CCAR1: variants seen among roughly 807,000 people sequenced by gnomAD.
CCAR1 encodes the protein cell division cycle and apoptosis regulator 1.
A neutral mutation model predicts 163.8 loss-of-function variants in CCAR1; 78 were observed. The observed-to-expected ratio is 0.48, with a 90% CI of 0.40 to 0.57. The LOEUF (loss-of-function observed/expected upper bound fraction) is 0.57. Among genes scored for constraint, CCAR1 ranks in the 20% least tolerant of loss-of-function variants. CCAR1 has a pLI of 0.00. For missense variants in CCAR1, 1,019 were observed against 1,365.2 expected (o/e 0.75, Z 4.00); for synonymous variants, 443 against 460.7 (o/e 0.96, Z 0.49).
intron 16 of CCAR1, among the ~76,000 whole-genome samples, chr10:68,764,881 A>G (rs530588273): frequency 6.6e-6 from 1 of 152,182 alleles, no homozygotes; most frequent in African/African-American, 2.4e-5. Context: ...TTCATCATCT[A>G]CAGGGATGTA....
intron 2 of CCAR1, among the ~76,000 whole-genome samples, chr10:68,727,737 GT>G (rs2055969538): frequency 6.6e-6 from 1 of 152,158 alleles, no homozygotes; most frequent in Non-Finnish European, 1.5e-5. Flanking sequence ...GTAAAGAGAC[GT>G]TGAGAGAAAT....
intron 17 of CCAR1, among the ~76,000 whole-genome samples, chr10:68,768,907 T>G (rs1197064387): frequency 1.3e-5 from 2 of 152,226 alleles, no homozygotes; most frequent in African/African-American, 4.8e-5. Flanking sequence ...AATGATCTGA[T>G]TAACATATTT....
intron 18 of CCAR1, among the ~76,000 whole-genome samples, chr10:68,772,378 G>T (rs1248123070): frequency 6.6e-6 from 1 of 152,038 alleles, no homozygotes; most frequent in Non-Finnish European, 1.5e-5. Flanking sequence ...AGCTACTTGG[G>T]AGGGTGAGGC....
chr10:68,787,292 A>C (rs936695969), intron 21 of CCAR1, among the ~76,000 whole-genome samples: 2 of 151,548 alleles, frequency 1.3e-5, no homozygotes, highest in African/African-American at 2.4e-5. Flanking sequence ...TATTCTATAG[A>C]TACATTCACC....
intron 2 of CCAR1, among the ~76,000 whole-genome samples, chr10:68,728,476 C>T (rs1428354653): frequency 2.0e-5 from 3 of 151,934 alleles, no homozygotes; most frequent in African/African-American, 7.3e-5. Context: ...ATGGTGTCTT[C>T]AACTGCCTAA....
In CCAR1 at chr10:68,742,406, C is replaced by T; in HGVS notation, c.355C>T (p.Leu119=). The T allele has an allele frequency of 1.2e-6, 2 of 1,613,732 alleles. No individual in the cohort carries two copies. Among genetic ancestry groups the T allele is most frequent in the Non-Finnish European group, 1.7e-6 (2 of 1,179,842 alleles). Residue 119 remains leucine, a synonymous_variant, in exon 6 of 25, where the codon CTG becomes TTG. Coordinates refer to ENST00000265872, the MANE Select transcript of CCAR1 (RefSeq NM_018237.4). ...PAVALPTSLS[L]STPQPTAQIT... The stretch of plus-strand genomic sequence containing the variant: ...TGTTGCACTGCCTACAAGCCTTAGC[C>T]TGTCTACTCCTCAGCCAACAGCACA...
intron 2 of CCAR1, among the ~76,000 whole-genome samples, chr10:68,735,402 G>A (rs538835981): frequency 1.4e-4 from 18 of 130,794 alleles, no homozygotes; most frequent in African/African-American, 4.7e-4. Context: ...CCAATATTGA[G>A]AGGTAGAGTT....
intron 16 of CCAR1, among the ~76,000 whole-genome samples, chr10:68,765,125 C>T (rs138945305): frequency 6.6e-6 from 1 of 152,290 alleles, no homozygotes; most frequent in African/African-American, 2.4e-5. Flanking sequence ...TCCTTTTGCC[C>T]TTCATCACTT....
intron 19 of CCAR1, among the ~76,000 whole-genome samples, chr10:68,784,116 C>G (rs1485641830): frequency 1.3e-5 from 2 of 152,118 alleles, no homozygotes; most frequent in Non-Finnish European, 2.9e-5. Context: ...CAATCTGCTT[C>G]TGTGAAGATG....
chr10:68,742,531 G>A lies in CCAR1; in HGVS notation c.480G>A (p.Thr160=), dbSNP rs1300253. ...GGGTGGTTACAAAACTACATGATACGTTTGGATTTGTGGATGAAGATGTAT... is the reference window on the plus strand; with the variant it reads ...GGGTGGTTACAAAACTACATGATACATTTGGATTTGTGGATGAAGATGTAT... ...FTGVVTKLHD[T]FGFVDEDVFF... is the part of the protein sequence containing the mutation. Residue 160 remains threonine, a synonymous_variant, in exon 6 of 25, where the codon ACG becomes ACA. Transcript: ENST00000265872. 1,398,518 of 1,613,556 alleles carry A rather than the reference G, an allele frequency of 0.87. 607,454 individuals carry two copies. Among genetic ancestry groups the A allele is most frequent in the African/African-American group, 0.92 (68,907 of 75,022 alleles).
chr10:68,789,615 CA>C (rs2056831966), intron 23 of CCAR1, 94 bp from the exon 24 acceptor site: 1 of 715,690 alleles, frequency 1.4e-6, no homozygotes, highest in East Asian at 2.8e-5. Flanking sequence ...GGAATTCTAT[CA>C]GCTTTTTATT....
intron 16 of CCAR1, among the ~76,000 whole-genome samples, chr10:68,761,882 G>GT (rs2056475926): frequency 6.6e-6 from 1 of 152,108 alleles, no homozygotes; most frequent in African/African-American, 2.4e-5. Context: ...GGTTACAGGC[G>GT]TGAGCCACTG....
At chr10:68,766,643 C>T (rs908002687) in intron 17 of CCAR1, among the ~76,000 whole-genome samples, 2 of 152,110 alleles carry the variant, frequency 1.3e-5, no homozygotes, top group African/African-American at 4.8e-5. Context: ...TCTCCTGCCT[C>T]AGCCTCCCGA....
At chr10:68,741,973 G>A (rs941297105) in intron 5 of CCAR1, among the ~76,000 whole-genome samples, 1 of 152,142 alleles carries the variant, frequency 6.6e-6, no homozygotes, top group African/African-American at 2.4e-5. Context: ...TCCAAATTAA[G>A]TAGAAAAACA....
In CCAR1 at chr10:68,761,021, A is replaced by G. The variant is rs754759580; in HGVS notation, c.1935A>G (p.Arg645=). Residue 645 remains arginine, a synonymous_variant, in exon 16 of 25, where the codon CGA becomes CGG. Transcript: ENST00000265872. ...DPKTMKVNDL[R]KELESRALSS... is the part of the protein sequence containing the mutation. ...CATATATTCAGGTAAATGACCTCCG[A>G]AAAGAATTAGAAAGTCGAGCTCTTA... 6.8e-7 allele frequency: 1 copy of G among 1,471,648 alleles called. No homozygotes were observed. Among genetic ancestry groups the G allele is most frequent in the Non-Finnish European group, 9.0e-7 (1 of 1,106,424 alleles). 91.2% of individuals were successfully genotyped at this position (1,471,648 alleles called of 1,614,324 possible). A position where few individuals can be genotyped will look rare whatever the true frequency, so the allele number is the denominator to read the frequency against.
At chr10:68,783,911 C>A (rs747867551) in intron 19 of CCAR1, among the ~76,000 whole-genome samples, 6 of 151,942 alleles carry the variant, frequency 3.9e-5, no homozygotes, top group Non-Finnish European at 7.4e-5. Context: ...GCCGCCACCA[C>A]GCCTGGCAAA....
rs7915940 is a variant in CCAR1 at position 68,743,035 on chromosome 10, T to C, written c.518+466T>C. ...ACAACCTCCGCCTCCTGGGTTCAAGTGATTCTCCTGCCTCAGCCTCCCGAG... is the reference window on the plus strand; with the variant it reads ...ACAACCTCCGCCTCCTGGGTTCAAGCGATTCTCCTGCCTCAGCCTCCCGAG... On this transcript the variant is annotated intron_variant, in intron 6 of 24. Coordinates refer to ENST00000265872, the MANE Select transcript of CCAR1 (RefSeq NM_018237.4). Among the ~76,000 whole-genome samples the C allele has an allele frequency of 2.9e-3, 439 of 149,098 alleles. 3 individuals are homozygous for C. Among genetic ancestry groups the C allele is most frequent in the African/African-American group, 0.01 (409 of 40,268 alleles).
At chr10:68,771,954 TCTCC>T (rs1276151742) in intron 18 of CCAR1, among the ~76,000 whole-genome samples, 1 of 151,582 alleles carries the variant, frequency 6.6e-6, no homozygotes, top group Non-Finnish European at 1.5e-5. Flanking sequence ...CACTGCAACC[TCTCC>T]CTCCCAGGTT....
At chr10:68,750,444 C>G (rs1216956654) in intron 10 of CCAR1, among the ~76,000 whole-genome samples, 1 of 151,988 alleles carries the variant, frequency 6.6e-6, no homozygotes, top group Non-Finnish European at 1.5e-5. Flanking sequence ...AGGTTTGTTT[C>G]GAACTCCTAA....
Sources: allele counts gnomAD v4.1 joint callset (sites outside exome capture counted in the v4.1 genomes callset), GRCh38; gene constraint gnomAD v4.1.1; transcripts MANE v1.5; gene names NCBI Gene and HGNC (gene_info 2026-07-23, HGNC 2026-07-21).